XPNPEP3: variants seen among roughly 807,000 people sequenced by gnomAD.
XPNPEP3 encodes the protein X-prolyl aminopeptidase 3, also known as xaa-Pro aminopeptidase 3.
A neutral mutation model predicts 60.0 loss-of-function variants in XPNPEP3; 41 were observed. The ratio of observed to expected loss-of-function variants is 0.68; its 90% CI spans 0.53 to 0.89. The LOEUF is 0.89. Ranked by LOEUF, XPNPEP3 falls within the 40% of genes least tolerant of loss-of-function variation. The pLI, the probability that XPNPEP3 is intolerant of heterozygous loss-of-function variation, is 0.00. For synonymous variants in XPNPEP3, 212 were observed against 223.2 expected, an observed-to-expected ratio of 0.95 and a Z score of 0.45; for missense variants, 598 against 638.9, an observed-to-expected ratio of 0.94 and a Z score of 0.69.
At chr22:40,874,997 A>G (rs1464937029) in intron 2 of XPNPEP3, among the ~76,000 whole-genome samples, 1 of 152,022 alleles carries the variant, frequency 6.6e-6, no homozygotes, top group African/African-American at 2.4e-5. Context: ...CCATTTCAAC[A>G]CTTTTTTAAT....
chr22:40,918,545 A>C (rs980508156), intron 7 of XPNPEP3, among the ~76,000 whole-genome samples: 1 of 151,822 alleles, frequency 6.6e-6, no homozygotes, highest in Non-Finnish European at 1.5e-5. Flanking sequence ...TCAGCTGGGC[A>C]TGGTGGTGGG....
At chr22:40,902,958 A>G (rs1413410822) in intron 4 of XPNPEP3, among the ~76,000 whole-genome samples, 1 of 152,224 alleles carries the variant, frequency 6.6e-6, no homozygotes, top group African/African-American at 2.4e-5. Flanking sequence ...TCAGAACCCA[A>G]GAGCCTAAAA....
intron 6 of XPNPEP3, among the ~76,000 whole-genome samples, chr22:40,910,368 A>C (rs1238447666): frequency 6.6e-6 from 1 of 152,082 alleles, no homozygotes; most frequent in African/African-American, 2.4e-5. Context: ...CTCTATACAA[A>C]TTGTATGCTC....
intron 4 of XPNPEP3, among the ~76,000 whole-genome samples, chr22:40,899,764 A>G (rs949805007): frequency 4.0e-5 from 6 of 148,366 alleles, no homozygotes; most frequent in Non-Finnish European, 7.4e-5. Flanking sequence ...GGTTGCAGTG[A>G]GCGGAGATCA....
chr22:40,860,609 TAAAGAAA>T, intron 1 of XPNPEP3: 2 of 1,274,634 alleles, frequency 1.6e-6, no homozygotes, highest in South Asian at 3.3e-5. Context: ...TAAACTCTAC[TAAAGAAA>T]AATTCAAAAG....
At chr22:40,860,070 T>A (rs1436155940) in intron 1 of XPNPEP3, 1 of 152,212 alleles carries the variant, frequency 6.6e-6, no homozygotes, top group African/African-American at 2.4e-5. Flanking sequence ...ACCCGTTTTT[T>A]AATTTTTTAA....
chr22:40,885,974 T>C (rs1213117438), intron 3 of XPNPEP3, among the ~76,000 whole-genome samples: 5 of 151,902 alleles, frequency 3.3e-5, no homozygotes, highest in Non-Finnish European at 7.4e-5. Flanking sequence ...AGAGCAAGAC[T>C]CCATCTCAAA....
chr22:40,857,330 C>G, intron 1 of XPNPEP3, 85 bp downstream of exon 1: 1 of 1,471,472 alleles, frequency 6.8e-7, no homozygotes, highest in South Asian at 1.2e-5. Flanking sequence ...GTTCGGCTGA[C>G]CCTTCTCCTG....
intron 3 of XPNPEP3, among the ~76,000 whole-genome samples, chr22:40,884,413 C>G (rs2058060370): frequency 6.6e-6 from 1 of 151,370 alleles, no homozygotes; most frequent in African/African-American, 2.4e-5. Context: ...CACTGCAACT[C>G]CTGCCTCCCA....
chr22:40,927,475 A>G lies in XPNPEP3; in HGVS notation c.*1040A>G, dbSNP rs1320761363. 6.6e-6 allele frequency: 1 copy of G among 151,882 alleles called. No homozygotes were observed. Among genetic ancestry groups the G allele is most frequent in the African/African-American group, 2.4e-5 (1 of 41,372 alleles). The allele number at this position is 151,882 out of a possible 1,614,324, so 9.4% of individuals were successfully genotyped here. On this transcript the variant is annotated 3_prime_UTR_variant, in exon 10 of 10. Transcript: ENST00000357137. ...GGTGACTGAGCAAGACTCTGCCTCA[A>G]AAAAACAAATAAATAAATAAAATCC...
Position 40,883,302 on chromosome 22 carries a change from GA to G in XPNPEP3, c.589+1127del, listed in dbSNP as rs1286832202. The stretch of plus-strand genomic sequence containing the variant: ...CTCAGGCCTCCATCCCCTATCTACT[GA>G]ATCAGAATCTGCATTTTAACAGATC... On this transcript the variant is annotated intron_variant, in intron 3 of 9. Transcript: ENST00000357137. Among the ~76,000 whole-genome samples the G allele has an allele frequency of 1.2e-4, 19 of 152,112 alleles. 1 individual carries two copies. Among genetic ancestry groups the G allele is most frequent in the Admixed American group, 1.2e-3 (19 of 15,258 alleles).
At chr22:40,875,575 C>T (rs1036283061) in intron 2 of XPNPEP3, among the ~76,000 whole-genome samples, 3 of 151,964 alleles carry the variant, frequency 2.0e-5, no homozygotes, top group Admixed American at 6.6e-5. Flanking sequence ...TGCCATTATA[C>T]CAATAATCTG....
chr22:40,921,796 C>T (rs2058217545), intron 7 of XPNPEP3, among the ~76,000 whole-genome samples: 1 of 152,014 alleles, frequency 6.6e-6, no homozygotes, highest in East Asian at 1.9e-4. Context: ...CTCCTATCAA[C>T]AGTATGTGAG....
At position 40,897,040 on chromosome 22, in the gene XPNPEP3, T is replaced by TG. The variant is rs1156782622; in HGVS notation, c.792+10525_792+10526insG. 3.4e-3 allele frequency among the ~76,000 whole-genome samples: 501 copies of TG among 149,038 alleles called. 3 individuals are homozygous for TG. Among genetic ancestry groups the TG allele is most frequent in the Non-Finnish European group, 4.8e-3 (319 of 67,020 alleles). On this transcript the variant is annotated intron_variant, in intron 4 of 9. Transcript: ENST00000357137. Reference sequence around the variant, plus strand: ...AATGTTTCCTTCATCTTTTTTTTTTTTTTTTTTTTTTGAGACGGAGTTTCG... The same window carrying TG: ...AATGTTTCCTTCATCTTTTTTTTTTTGTTTTTTTTTTTGAGACGGAGTTTCG...
chr22:40,909,601 C>A (rs1344300771), intron 6 of XPNPEP3, among the ~76,000 whole-genome samples: 1 of 151,922 alleles, frequency 6.6e-6, no homozygotes, highest in Non-Finnish European at 1.5e-5. Flanking sequence ...CATGTCTCTA[C>A]TAAAAATACA....
In XPNPEP3 at chr22:40,924,351, A is replaced by T; in HGVS notation, c.1237-11A>T. The T allele has an allele frequency of 1.2e-6, 2 of 1,614,066 alleles. No individual in the cohort carries two copies. Among genetic ancestry groups the T allele is most frequent in the Non-Finnish European group, 1.7e-6 (2 of 1,179,976 alleles). ...TTGCTCTAATGATACTGTGACAATT[A>T]TCTTTTCCAGGCTGCTCGAAAATAC... is the stretch of plus-strand genomic sequence containing the variant. On this transcript the variant is annotated splice_polypyrimidine_tract_variant and intron_variant, in intron 8 of 9. Coordinates refer to ENST00000357137, the MANE Select transcript of XPNPEP3 (RefSeq NM_022098.4).
chr22:40,870,031 T>C (rs1014355289), intron 2 of XPNPEP3: 2 of 470,934 alleles, frequency 4.2e-6, no homozygotes, highest in Non-Finnish European at 8.8e-6. Context: ...GGCTTCCTTT[T>C]GCTGATTTTT....
At chr22:40,898,496 A>G (rs972349706) in intron 4 of XPNPEP3, among the ~76,000 whole-genome samples, 1 of 124,146 alleles carries the variant, frequency 8.1e-6, no homozygotes, top group Admixed American at 7.4e-5. Context: ...CTCATGATCC[A>G]CCCGCCTCGG....
At position 40,886,458 on chromosome 22, in the gene XPNPEP3, G is replaced by T. The variant is rs1037834850; in HGVS notation, c.735G>T (p.Leu245=). 1 of 1,614,038 alleles carries T rather than the reference G, an allele frequency of 6.2e-7. No homozygotes were observed. Among genetic ancestry groups the T allele is most frequent in the Admixed American group, 1.7e-5 (1 of 59,990 alleles). ...AGCAGCTGATACAGCGCCTCCGGCT[G>T]ATCAAGTCTCCTGCAGAAATTGAAC... ...GVQQLIQRLR[L]IKSPAEIERM... is the part of the protein sequence containing the mutation. Residue 245 remains leucine (L), a synonymous_variant, in exon 4 of 10, where the codon CTG becomes CTT. Transcript: ENST00000357137.
Sources: gnomAD v4.1 joint callset for allele counts (sites outside exome capture counted in the v4.1 genomes callset) on GRCh38, gnomAD v4.1.1 for gene constraint, MANE v1.5 for transcripts, NCBI Gene and HGNC (gene_info 2026-07-23, HGNC 2026-07-21) for gene names.